Variants in GPC6 observed in about 807,000 individuals in gnomAD.
The protein encoded by GPC6 is glypican-6.
A neutral mutation model predicts 55.2 loss-of-function variants in GPC6; 14 were observed. The observed-to-expected ratio is 0.25, with a 90% confidence interval of 0.17 to 0.40. The LOEUF (loss-of-function observed/expected upper bound fraction) is 0.40, where lower values mean the gene tolerates loss of function less well. Among genes scored for constraint, GPC6 ranks in the 10% least tolerant of loss-of-function variants. The probability of loss-of-function intolerance (pLI) is 1.00; values close to 1 mark genes in which losing one functional copy is unlikely to be tolerated. For synonymous variants in GPC6, 278 were observed against 259.6 expected (o/e 1.07, Z -0.68); for missense variants, 641 against 708.5 (o/e 0.90, Z 1.08).
At chr13:93,423,288 C>T (rs903137869) in intron 1 of GPC6, among the ~76,000 whole-genome samples, 33 of 152,240 alleles carry the variant, frequency 2.2e-4, no homozygotes, top group Middle Eastern at 6.8e-3. Context: ...AACTGTTAAT[C>T]AATTGTAGAA....
At chr13:93,827,020 T>G (rs1302203321) in intron 2 of GPC6, among the ~76,000 whole-genome samples, 7 of 152,220 alleles carry the variant, frequency 4.6e-5, no homozygotes, top group Non-Finnish European at 7.3e-5. Flanking sequence ...AGGTTTTTTG[T>G]GCACCTATGA....
chr13:93,352,209 CT>C (rs1880655630), intron 1 of GPC6, among the ~76,000 whole-genome samples: 1 of 151,996 alleles, frequency 6.6e-6, no homozygotes. Flanking sequence ...GAATTTTCAC[CT>C]TAAAATAGCT....
intron 1 of GPC6, among the ~76,000 whole-genome samples, chr13:93,359,332 A>T (rs1307203682): frequency 1.3e-5 from 2 of 152,112 alleles, no homozygotes; most frequent in Non-Finnish European, 2.9e-5. Context: ...ATCACATTGC[A>T]TTACCTTTAT....
intron 4 of GPC6, among the ~76,000 whole-genome samples, chr13:94,214,140 G>C (rs527598841): frequency 1.3e-5 from 2 of 152,232 alleles, no homozygotes; most frequent in Admixed American, 6.5e-5. Flanking sequence ...TTTCATATTT[G>C]ATTTATGTTT....
intron 1 of GPC6, among the ~76,000 whole-genome samples, chr13:93,490,465 T>TG (rs1186253717): frequency 2.8e-5 from 4 of 145,202 alleles, no homozygotes; most frequent in African/African-American, 7.6e-5. Flanking sequence ...TATTTCTTTT[T>TG]TTTTTTTTTT....
At chr13:93,406,347 T>C (rs1163843574) in intron 1 of GPC6, among the ~76,000 whole-genome samples, 1 of 152,088 alleles carries the variant, frequency 6.6e-6, no homozygotes, top group African/African-American at 2.4e-5. Context: ...AGAAATGAAA[T>C]GTTTCTGCCA....
At chr13:93,715,397 G>A (rs1883216954) in intron 2 of GPC6, among the ~76,000 whole-genome samples, 1 of 151,610 alleles carries the variant, frequency 6.6e-6, no homozygotes, top group African/African-American at 2.4e-5. Context: ...TTGTTAGTGG[G>A]AGCTAAATAT....
intron 4 of GPC6, among the ~76,000 whole-genome samples, chr13:94,283,770 C>A (rs1313042851): frequency 6.6e-6 from 1 of 152,214 alleles, no homozygotes; most frequent in Non-Finnish European, 1.5e-5. Flanking sequence ...CATTAGCTGA[C>A]ATACTGTAAC....
chr13:93,547,357 C>A (rs1259368325), intron 2 of GPC6, among the ~76,000 whole-genome samples: 1 of 151,854 alleles, frequency 6.6e-6, no homozygotes, highest in Non-Finnish European at 1.5e-5. Flanking sequence ...AAACAAACAA[C>A]AAAAACAAAA....
At chr13:93,490,055 A>C (rs1450972203) in intron 1 of GPC6, among the ~76,000 whole-genome samples, 1 of 151,344 alleles carries the variant, frequency 6.6e-6, no homozygotes, top group Non-Finnish European at 1.5e-5. Flanking sequence ...CAGTTTTCAA[A>C]GGGAATGCTT....
intron 1 of GPC6, among the ~76,000 whole-genome samples, chr13:93,324,473 A>T (rs4773732): frequency 0.21 from 31,920 of 150,748 alleles, 3,859 homozygotes; most frequent in East Asian, 0.55. Context: ...GGGGGATGGA[A>T]ACCCCATTCT....
chr13:94,065,625 C>T (rs1409061006), intron 4 of GPC6, among the ~76,000 whole-genome samples: 1 of 152,112 alleles, frequency 6.6e-6, no homozygotes, highest in Non-Finnish European at 1.5e-5. Context: ...ATAGGTAGAA[C>T]CTCTGAATTT....
chr13:93,595,997 G>T (rs1566441615), intron 2 of GPC6, among the ~76,000 whole-genome samples: 1 of 152,008 alleles, frequency 6.6e-6, no homozygotes, highest in Non-Finnish European at 1.5e-5. Flanking sequence ...GGAAACAGAG[G>T]GTAGAAGAGC....
Position 93,393,123 on chromosome 13 carries a change from T to TAGAG in GPC6, c.161-152139_161-152138insGAGA, listed in dbSNP as rs1213506339. On this transcript the variant is annotated intron_variant, in intron 1 of 8. Coordinates refer to ENST00000377047, the MANE Select transcript of GPC6 (RefSeq NM_005708.5). ...TGTATATTTGATATATATATATATA[T>TAGAG]ATATAGAGAGAGAGAGAGAGAGAGA... Among the ~76,000 whole-genome samples the TAGAG allele has an allele frequency of 5.2e-3, 491 of 94,588 alleles. 1 individual carries two copies. Among genetic ancestry groups the TAGAG allele is most frequent in the African/African-American group, 0.017 (472 of 27,922 alleles). The allele number at this position is 94,588 out of a possible 152,430, so 62.1% of individuals were successfully genotyped here.
intron 1 of GPC6, among the ~76,000 whole-genome samples, chr13:93,453,010 C>T (rs369917834): frequency 6.6e-6 from 1 of 152,182 alleles, no homozygotes; most frequent in East Asian, 1.9e-4. Context: ...AACTTATGTA[C>T]CCTACTTGTG....
At chr13:93,858,114 G>T (rs1352922940) in intron 3 of GPC6, among the ~76,000 whole-genome samples, 3 of 151,570 alleles carry the variant, frequency 2.0e-5, no homozygotes, top group African/African-American at 7.2e-5. Flanking sequence ...TGCATTGGTT[G>T]TCTACCACTT....
rs143169326 is a variant in GPC6 at position 94,130,033 on chromosome 13, C to T, written c.877+102139C>T. On this transcript the variant is annotated intron_variant, in intron 4 of 8. Transcript: ENST00000377047. ...CCATGTAAATATGAAAGTTCTGTTT[C>T]GTGATGGAATCATATTCATTGCATT... Among the ~76,000 whole-genome samples, 14 of 152,058 alleles carry T rather than the reference C, an allele frequency of 9.2e-5. No individual in the cohort carries two copies. In the East Asian group the frequency reaches 2.7e-3, roughly 29 times the overall value.
intron 1 of GPC6, among the ~76,000 whole-genome samples, chr13:93,489,877 TG>T (rs1180699723): frequency 1.3e-5 from 2 of 151,598 alleles, no homozygotes; most frequent in Non-Finnish European, 2.9e-5. Flanking sequence ...GCTGAGATGA[TG>T]GGGTTTTCTA....
Position 93,382,849 on chromosome 13 carries a change from A to C in GPC6, c.160+155233A>C, listed in dbSNP as rs1229567748. Among the ~76,000 whole-genome samples, 3 of 152,066 alleles carry C rather than the reference A, an allele frequency of 2.0e-5. No homozygotes were observed. In the East Asian group the frequency reaches 5.8e-4, roughly 29 times the overall value. ...TTTCAACACTTTATACATTGTCCCT[A>C]CTTCCCTAAAGCAATATTTTCTTCA... On this transcript the variant is annotated intron_variant, in intron 1 of 8. Transcript: ENST00000377047.
Sources: allele counts gnomAD v4.1 joint callset (sites outside exome capture counted in the v4.1 genomes callset), GRCh38; gene constraint gnomAD v4.1.1; transcripts MANE v1.5; gene names NCBI Gene and HGNC (gene_info 2026-07-23, HGNC 2026-07-21).